The following CDH12 variants were observed in gnomAD, a reference collection of about 807,000 sequenced individuals.
CDH12 encodes cadherin 12.
CDH12 carries 41 observed loss-of-function variants against 74.1 expected under a neutral mutation model. The observed-to-expected ratio is 0.55, with a 90% confidence interval of 0.43 to 0.72. CDH12 has a LOEUF of 0.72. Among genes scored for constraint, CDH12 ranks in the 30% least tolerant of loss-of-function variants. The probability of loss-of-function intolerance (pLI) is 0.00; values close to 1 mark genes in which losing one functional copy is unlikely to be tolerated. For missense variants in CDH12, 945 were observed against 977.2 expected (o/e 0.97, Z 0.44); for synonymous variants, 399 against 355.0 (o/e 1.12, Z -1.39).
chr5:21,774,010 G>A (rs1745462072), intron 11 of CDH12, among the ~76,000 whole-genome samples: 1 of 152,138 alleles, frequency 6.6e-6, no homozygotes, highest in Non-Finnish European at 1.5e-5. Flanking sequence ...TTCAGGAGAT[G>A]TGTGTGGGTT....
At chr5:22,387,352 G>A (rs1484936279) in intron 3 of CDH12, among the ~76,000 whole-genome samples, 1 of 151,892 alleles carries the variant, frequency 6.6e-6, no homozygotes, top group Non-Finnish European at 1.5e-5. Flanking sequence ...TAAATTCTCT[G>A]TAACTATATC....
At chr5:22,629,984 A>G (rs1738499464) in intron 1 of CDH12, among the ~76,000 whole-genome samples, 1 of 152,118 alleles carries the variant, frequency 6.6e-6, no homozygotes, top group Non-Finnish European at 1.5e-5. Flanking sequence ...TGAGTGCCAA[A>G]TCAAGAACAC....
Position 22,347,368 on chromosome 5 carries a change from G to A in CDH12, c.-333+57889C>T, listed in dbSNP as rs1740162054. Among the ~76,000 whole-genome samples, 4 of 152,174 alleles carry A rather than the reference G, an allele frequency of 2.6e-5. No homozygotes were observed. The South Asian group carries it at 6.2e-4, about 24-fold the overall frequency. On this transcript the variant is annotated intron_variant, in intron 3 of 14. Coordinates refer to ENST00000382254, the MANE Select transcript of CDH12 (RefSeq NM_004061.5). ...TGGCTTTCATCTTTCTCCTGTGCTG[G>A]AGGCTTCCTGCCCTTGAGCATCGGA...
At chr5:22,150,569 G>T (rs1186472307) in intron 4 of CDH12, among the ~76,000 whole-genome samples, 1 of 151,840 alleles carries the variant, frequency 6.6e-6, no homozygotes, top group East Asian at 1.9e-4. Flanking sequence ...AAGAATTTAT[G>T]TATAGCTATG....
At chr5:22,113,289 A>G (rs562483246) in intron 4 of CDH12, among the ~76,000 whole-genome samples, 3 of 152,126 alleles carry the variant, frequency 2.0e-5, no homozygotes, top group Non-Finnish European at 4.4e-5. Flanking sequence ...CTCTATTAAC[A>G]TAGCTAGATT....
intron 1 of CDH12, among the ~76,000 whole-genome samples, chr5:22,650,058 A>G (rs895632722): frequency 2.0e-5 from 3 of 152,080 alleles, no homozygotes; most frequent in Non-Finnish European, 2.9e-5. Context: ...AAATCATAAA[A>G]TAATACACTT....
At chr5:22,096,262 T>C (rs2150244271) in intron 4 of CDH12, among the ~76,000 whole-genome samples, 1 of 152,268 alleles carries the variant, frequency 6.6e-6, no homozygotes, top group East Asian at 1.9e-4. Flanking sequence ...ACTTTCGATT[T>C]TTCCGTCCTA....
At chr5:22,837,257 A>G (rs1326400616) in intron 1 of CDH12, among the ~76,000 whole-genome samples, 1 of 152,058 alleles carries the variant, frequency 6.6e-6, no homozygotes, top group Non-Finnish European at 1.5e-5. Context: ...GTTTCTACGA[A>G]CAAAAATTTT....
intron 1 of CDH12, among the ~76,000 whole-genome samples, chr5:22,510,930 T>G (rs1180500618): frequency 6.6e-6 from 1 of 151,948 alleles, no homozygotes. Flanking sequence ...GTTTTGCTCT[T>G]GTCGCCTAGA....
chr5:21,991,214 A>G (rs1309619052), intron 5 of CDH12, among the ~76,000 whole-genome samples: 1 of 151,810 alleles, frequency 6.6e-6, no homozygotes, highest in Non-Finnish European at 1.5e-5. Context: ...ATATTTCTCT[A>G]TGGTTGTGCA....
chr5:22,590,658 T>C (rs1740653431), intron 1 of CDH12, among the ~76,000 whole-genome samples: 1 of 152,224 alleles, frequency 6.6e-6, no homozygotes, highest in Non-Finnish European at 1.5e-5. Flanking sequence ...GTGACAAGAA[T>C]GCAAATTAAA....
chr5:21,856,846 T>C (rs184949210), intron 6 of CDH12, among the ~76,000 whole-genome samples: 3 of 152,042 alleles, frequency 2.0e-5, no homozygotes, highest in Admixed American at 1.3e-4. Flanking sequence ...TCATATTTCT[T>C]CAGCTGTATC....
At chr5:21,891,394 C>A (rs1752890698) in intron 6 of CDH12, among the ~76,000 whole-genome samples, 1 of 151,894 alleles carries the variant, frequency 6.6e-6, no homozygotes, top group Admixed American at 6.6e-5. Context: ...AATTTTTGAT[C>A]CAAAAGCTAT....
intron 3 of CDH12, among the ~76,000 whole-genome samples, chr5:22,344,107 A>G (rs1580544673): frequency 6.6e-6 from 1 of 152,318 alleles, no homozygotes; most frequent in South Asian, 2.1e-4. Flanking sequence ...ATATGTTATG[A>G]TGGGGAAAAG....
chr5:22,617,511 T>G lies in CDH12; in HGVS notation c.-522-112147A>C, dbSNP rs532882745. ...TCATGAGGTTTCCATCCATAAATGT[T>G]AAGTATCTTTGGATTCAAAGTCTGT... On this transcript the variant is annotated intron_variant, in intron 1 of 14. Coordinates refer to ENST00000382254, the MANE Select transcript of CDH12 (RefSeq NM_004061.5). Among the ~76,000 whole-genome samples, 7 of 152,250 alleles carry G rather than the reference T, an allele frequency of 4.6e-5. No homozygotes were observed. The South Asian group carries it at 1.0e-3, about 23-fold the overall frequency.
intron 1 of CDH12, among the ~76,000 whole-genome samples, chr5:22,669,601 T>C (rs982224366): frequency 2.0e-5 from 3 of 152,226 alleles, no homozygotes; most frequent in South Asian, 2.1e-4. Context: ...TCTGTCTAAA[T>C]GGCAGACTTG....
intron 5 of CDH12, among the ~76,000 whole-genome samples, chr5:22,017,997 G>C (rs2150158381): frequency 6.6e-6 from 1 of 152,200 alleles, no homozygotes. Flanking sequence ...GACCTCAGGT[G>C]ATCCGCCCAC....
chr5:21,979,105 C>T (rs1757196205), intron 5 of CDH12, among the ~76,000 whole-genome samples: 1 of 152,258 alleles, frequency 6.6e-6, no homozygotes, highest in South Asian at 2.1e-4. Context: ...TCTACACATA[C>T]GGCAAGCTAA....
intron 6 of CDH12, among the ~76,000 whole-genome samples, chr5:21,952,385 A>G (rs1174957352): frequency 6.6e-6 from 1 of 152,160 alleles, no homozygotes; most frequent in Non-Finnish European, 1.5e-5. Flanking sequence ...GGAAACCAGG[A>G]TGTTGAGGAT....
Sources: allele counts gnomAD v4.1 joint callset (sites outside exome capture counted in the v4.1 genomes callset), GRCh38; gene constraint gnomAD v4.1.1; transcripts MANE v1.5; gene names NCBI Gene and HGNC (gene_info 2026-07-23, HGNC 2026-07-21).